Variants in HGSNAT observed in about 807,000 individuals in gnomAD.
HGSNAT encodes the protein transmembrane protein 76.
In HGSNAT, 59 loss-of-function variants were observed where a neutral mutation model predicts 85.2. That is an observed-to-expected ratio of 0.69 (90% CI 0.56 to 0.86). The LOEUF (loss-of-function observed/expected upper bound fraction) is 0.86, where lower values mean the gene tolerates loss of function less well. Ranked by LOEUF, HGSNAT falls within the 40% of genes least tolerant of loss-of-function variation. The probability of loss-of-function intolerance (pLI) is 0.00; values close to 1 mark genes in which losing one functional copy is unlikely to be tolerated. For synonymous variants in HGSNAT, 321 were observed against 304.5 expected (o/e 1.05, Z -0.56); for missense variants, 756 against 777.1 (o/e 0.97, Z 0.32).
intron 11 of HGSNAT, among the ~76,000 whole-genome samples, chr8:43,185,352 C>T (rs1221262533): frequency 1.3e-5 from 2 of 152,312 alleles, no homozygotes; most frequent in Admixed American, 6.5e-5. Context: ...AGGTCCTTCA[C>T]ATCCCTTGTA....
intron 17 of HGSNAT, among the ~76,000 whole-genome samples, chr8:43,198,412 T>C (rs1011918457): frequency 1.3e-5 from 2 of 150,440 alleles, no homozygotes; most frequent in African/African-American, 4.9e-5. Flanking sequence ...CTCAGCCTCC[T>C]GAGTAGCTGG....
At chr8:43,163,211 A>G (rs976512606) in intron 5 of HGSNAT, among the ~76,000 whole-genome samples, 1 of 152,128 alleles carries the variant, frequency 6.6e-6, no homozygotes, top group Non-Finnish European at 1.5e-5. Context: ...TTGATAGCTG[A>G]GATCAAGCAT....
Position 43,191,585 on chromosome 8 carries a change from G to A in HGSNAT, c.1240G>A (p.Gly414Arg). ...CTTGACATTCCTCCTGCCAGTCCCTGGGTGCCCTACGTAAGCGAACCCCTG... is the reference window on the plus strand; with the variant it reads ...CTTGACATTCCTCCTGCCAGTCCCTAGGTGCCCTACGTAAGCGAACCCCTG... ...LGLTFLLPVP[G>R]CPTGYLGPGG... is the part of the protein sequence containing the mutation. The change falls in exon 12 of 18, where the codon GGG becomes AGG. Residue 414 changes from glycine to arginine, a missense_variant. Transcript: ENST00000379644. 6.2e-7 allele frequency: 1 copy of A among 1,613,894 alleles called. No homozygotes were observed. The highest frequency in any genetic ancestry group is 8.5e-7 in the Non-Finnish European group (1 of 1,179,828).
intron 1 of HGSNAT, among the ~76,000 whole-genome samples, chr8:43,143,823 G>A (rs1802629595): frequency 6.6e-6 from 1 of 151,780 alleles, no homozygotes; most frequent in Non-Finnish European, 1.5e-5. Flanking sequence ...TGGGATTACA[G>A]GTGTGAGCCA....
chr8:43,181,190 A>G (rs867005137), intron 10 of HGSNAT, among the ~76,000 whole-genome samples: 37 of 1,806 alleles, frequency 0.02, 6 homozygotes, highest in African/African-American at 0.053. Context: ...AGGGAGAGGG[A>G]GAGGGAGAGG....
At chr8:43,174,481 T>A (rs1327534753) in intron 9 of HGSNAT, among the ~76,000 whole-genome samples, 1 of 152,202 alleles carries the variant, frequency 6.6e-6, no homozygotes, top group African/African-American at 2.4e-5. Context: ...CTCAATTCTG[T>A]CTCTGATCAT....
rs760589251 is a variant in HGSNAT, at chr8:43,159,001, C to T, written c.450C>T (p.Ala150=). 1.2e-6 allele frequency: 2 copies of T among 1,613,656 alleles called. No homozygotes were observed. The highest frequency in any genetic ancestry group is 1.7e-5 in the Admixed American group (1 of 59,988). Residue 150 remains alanine, a synonymous_variant, in exon 4 of 18, where the codon GCC becomes GCT. Coordinates refer to ENST00000379644, the MANE Select transcript of HGSNAT (RefSeq NM_152419.3). ...TCCATAATGGAGTTAGTGAAATTGC[C>T]TGTGACCTGGCTGTGAACGAGGATC... ...KNIHNGVSEI[A]CDLAVNEDPV...
rs190985826 is a variant in HGSNAT, at chr8:43,177,347, T to C, written c.852-727T>C. 4.4e-3 allele frequency among the ~76,000 whole-genome samples: 662 copies of C among 151,900 alleles called. 8 individuals are homozygous for C. Among genetic ancestry groups the C allele is most frequent in the African/African-American group, 0.015 (633 of 41,468 alleles). ...CGGGCGGATCACAAGGTCGGGAGAT[T>C]GAGACCATCCTGGCTAACACGGTGA... is the stretch of plus-strand genomic sequence containing the variant. On this transcript the variant is annotated intron_variant, in intron 9 of 17. Coordinates refer to ENST00000379644, the MANE Select transcript of HGSNAT (RefSeq NM_152419.3).
rs1418665147 is a variant in HGSNAT at position 43,179,610 on chromosome 8, C to T, written c.1012+1376C>T. ...CTCCTCACTTTCCAGTAGGGGCGGC[C>T]GGGCAGAGGCGCCCCTCACCTCCCG... On this transcript the variant is annotated intron_variant, in intron 10 of 17. Coordinates refer to ENST00000379644, the MANE Select transcript of HGSNAT (RefSeq NM_152419.3). 2.1e-4 allele frequency among the ~76,000 whole-genome samples: 14 copies of T among 65,350 alleles called. No homozygotes were observed. The South Asian group carries it at 3.5e-3, about 16-fold the overall frequency. 42.9% of individuals were successfully genotyped at this position (65,350 alleles called of 152,430 possible). A position where few individuals can be genotyped will look rare whatever the true frequency, so the allele number is the denominator to read the frequency against.
At chr8:43,164,264 G>A (rs1289559017) in intron 5 of HGSNAT, among the ~76,000 whole-genome samples, 1 of 152,156 alleles carries the variant, frequency 6.6e-6, no homozygotes, top group African/African-American at 2.4e-5. Context: ...GGATGATGGA[G>A]GTCCATTATT....
In HGSNAT at chr8:43,182,127, A is replaced by G; in HGVS notation, c.1013-18A>G. On this transcript the variant is annotated intron_variant, in intron 10 of 17. Coordinates refer to ENST00000379644, the MANE Select transcript of HGSNAT (RefSeq NM_152419.3). ...AGAAGTCCTGGCTAACACTTGACCTAACTTGTGTCTTTTGCAGTGTCTTGG... is the reference window on the plus strand; with the variant it reads ...AGAAGTCCTGGCTAACACTTGACCTGACTTGTGTCTTTTGCAGTGTCTTGG... The G allele has an allele frequency of 6.3e-7, 1 of 1,594,144 alleles. No individual in the cohort carries two copies. The highest frequency in any genetic ancestry group is 8.6e-7 in the Non-Finnish European group (1 of 1,161,918).
intron 9 of HGSNAT, 148 bp from the exon 10 acceptor site, chr8:43,177,926 C>G: frequency 2.9e-6 from 2 of 692,260 alleles, no homozygotes; most frequent in South Asian, 3.5e-5. Flanking sequence ...TGAACTCTTC[C>G]TCTACTGTTA....
At chr8:43,181,184 A>G (rs1217692803) in intron 10 of HGSNAT, among the ~76,000 whole-genome samples, 52 of 686 alleles carry the variant, frequency 0.076, 12 homozygotes, top group African/African-American at 0.29. Context: ...AGGGAGAGGG[A>G]GAGGGAGAGG....
At chr8:43,146,406 G>A (rs1802711996) in intron 1 of HGSNAT, among the ~76,000 whole-genome samples, 2 of 152,246 alleles carry the variant, frequency 1.3e-5, no homozygotes, top group South Asian at 4.1e-4. Context: ...GGCTACAATC[G>A]CAGCTCAGTA....
chr8:43,183,646 T>A (rs112634822), intron 11 of HGSNAT, among the ~76,000 whole-genome samples: 2,412 of 152,208 alleles, frequency 0.016, 48 homozygotes, highest in African/African-American at 0.047. Flanking sequence ...AATTTTTTTT[T>A]AAATTATCCT....
At chr8:43,144,756 G>A (rs1802660473) in intron 1 of HGSNAT, among the ~76,000 whole-genome samples, 1 of 151,932 alleles carries the variant, frequency 6.6e-6, no homozygotes, top group Admixed American at 6.6e-5. Context: ...TCTCACTTAG[G>A]GTAAATGAAA....
chr8:43,194,679 AC>A, intron 14 of HGSNAT: 1 of 222,218 alleles, frequency 4.5e-6, no homozygotes, highest in Non-Finnish European at 7.6e-6. Context: ...CGGTGTCCCC[AC>A]CAGCTGGTGA....
At chr8:43,141,481 AC>A (rs1234382018) in intron 1 of HGSNAT, among the ~76,000 whole-genome samples, 2 of 151,118 alleles carry the variant, frequency 1.3e-5, no homozygotes, top group Non-Finnish European at 2.9e-5. Context: ...CTCCATCTAG[AC>A]CCCTGCACCG....
chr8:43,186,235 C>T (rs1240897315), intron 11 of HGSNAT, among the ~76,000 whole-genome samples: 1 of 152,108 alleles, frequency 6.6e-6, no homozygotes. Flanking sequence ...CTTTGTACCT[C>T]TGGTAGAATT....
Sources: allele counts gnomAD v4.1 joint callset (sites outside exome capture counted in the v4.1 genomes callset), GRCh38; gene constraint gnomAD v4.1.1; transcripts MANE v1.5; gene names NCBI Gene and HGNC (gene_info 2026-07-23, HGNC 2026-07-21).